Variants in PPARGC1B observed in about 807,000 individuals in gnomAD.
PPARGC1B encodes the protein peroxisome proliferator-activated receptor gamma coactivator 1-beta.
PPARGC1B carries 34 observed loss-of-function variants against 101.6 expected under a neutral mutation model. The observed-to-expected ratio is 0.33, with a 90% CI of 0.25 to 0.45. The LOEUF (loss-of-function observed/expected upper bound fraction) is 0.45. Ranked by LOEUF, PPARGC1B falls within the 20% of genes least tolerant of loss-of-function variation. The probability of loss-of-function intolerance (pLI) is 1.00; values close to 1 mark genes in which losing one functional copy is unlikely to be tolerated. For synonymous variants in PPARGC1B, 548 were observed against 539.3 expected (o/e 1.02, Z -0.22); for missense variants, 1,234 against 1,317.6 (o/e 0.94, Z 0.98).
At chr5:149,812,432 G>T (rs1015367825) in intron 1 of PPARGC1B, among the ~76,000 whole-genome samples, 6 of 148,148 alleles carry the variant, frequency 4.1e-5, no homozygotes, top group African/African-American at 1.0e-4. Context: ...GAAAGATTGG[G>T]TTTTTTTCAT....
Position 149,832,841 on chromosome 5 carries a change from CCCCCAGCCAGCT to C in PPARGC1B, c.771_782del (p.Gln258_Pro261del). The C allele has an allele frequency of 6.2e-7, 1 of 1,609,702 alleles. No homozygotes were observed. The highest frequency in any genetic ancestry group is 8.5e-7 in the Non-Finnish European group (1 of 1,177,438). On this transcript the variant is annotated inframe_deletion, in exon 5 of 12. Coordinates refer to ENST00000309241, the MANE Select transcript of PPARGC1B (RefSeq NM_133263.4). This position sits in a 1 kb window ranked among gnomAD's most constrained non-coding sequence, Gnocchi z 4.9. ...AGGAGCCGGGTGAGGACTGCCCGAG[CCCCCAGCCAGCT>C]CCAGCCTCTCCCCGGGACTCCCTAG...
intron 1 of PPARGC1B, among the ~76,000 whole-genome samples, chr5:149,809,871 C>G (rs1222627458): frequency 6.6e-6 from 1 of 151,828 alleles, no homozygotes; most frequent in Admixed American, 6.6e-5. Flanking sequence ...GTGCAGTGGT[C>G]AGGGAGGCCC....
At chr5:149,819,871 T>C (rs2113353140) in intron 1 of PPARGC1B, among the ~76,000 whole-genome samples, 1 of 152,360 alleles carries the variant, frequency 6.6e-6, no homozygotes, top group South Asian at 2.1e-4. Context: ...ATATATCATA[T>C]ATGTAATTTT....
intron 1 of PPARGC1B, among the ~76,000 whole-genome samples, chr5:149,769,717 G>T (rs1178239888): frequency 2.0e-5 from 3 of 152,172 alleles, no homozygotes; most frequent in Non-Finnish European, 4.4e-5. Context: ...TGAGGGTGTG[G>T]CAGGGCTGCA....
intron 1 of PPARGC1B, among the ~76,000 whole-genome samples, chr5:149,773,565 G>A (rs1380573527): frequency 6.6e-6 from 1 of 151,302 alleles, no homozygotes; most frequent in African/African-American, 2.4e-5. Context: ...CCTCACAAAA[G>A]GCAGCTCCAC....
intron 1 of PPARGC1B, among the ~76,000 whole-genome samples, chr5:149,790,062 C>T (rs1000709968): frequency 6.6e-6 from 1 of 152,186 alleles, no homozygotes; most frequent in African/African-American, 2.4e-5. Flanking sequence ...TGCCTAACCT[C>T]TCTGAACCTT....
At chr5:149,809,655 TC>T (rs1196907760) in intron 1 of PPARGC1B, among the ~76,000 whole-genome samples, 3 of 127,268 alleles carry the variant, frequency 2.4e-5, no homozygotes, top group African/African-American at 9.2e-5. Flanking sequence ...GTTACTGCAC[TC>T]CAGCTCGGGC....
chr5:149,732,930 C>G, intron 1 of PPARGC1B: 2 of 374,932 alleles, frequency 5.3e-6, no homozygotes, highest in Non-Finnish European at 1.1e-5. Flanking sequence ...TGGGTGACCC[C>G]GGAGCAAGCC....
At position 149,847,862 on chromosome 5, in the gene PPARGC1B, T is replaced by G; in HGVS notation, c.*304T>G. ...GGGTCCGTCACCCATCGCCCCTTCC[T>G]TCCCGACTGACTTCCTCTCGTAGAC... is the stretch of plus-strand genomic sequence containing the variant. On this transcript the variant is annotated 3_prime_UTR_variant, in exon 12 of 12. Transcript: ENST00000309241. 5.1e-6 allele frequency: 2 copies of G among 390,462 alleles called. No homozygotes were observed. Among genetic ancestry groups the G allele is most frequent in the East Asian group, 4.4e-5 (1 of 22,580 alleles). The allele number at this position is 390,462 out of a possible 1,614,324, so 24.2% of individuals were successfully genotyped here.
chr5:149,736,389 AAG>A (rs1754711640), intron 1 of PPARGC1B, among the ~76,000 whole-genome samples: 1 of 152,014 alleles, frequency 6.6e-6, no homozygotes, highest in Admixed American at 6.5e-5. Flanking sequence ...TTGCGTAAAA[AAG>A]AGAAGCATAA....
Position 149,833,650 on chromosome 5 carries a change from C to T in PPARGC1B, c.1577C>T (p.Thr526Met), listed in dbSNP as rs755372207. The T allele has an allele frequency of 4.3e-6, 7 of 1,609,698 alleles. No individual in the cohort carries two copies. Among genetic ancestry groups the T allele is most frequent in the African/African-American group, 4.0e-5 (3 of 74,878 alleles). ...YDVERELGSP[T>M]DEDSGQDQQL... ...GTAGAGCGGGAGCTGGGCAGCCCCACGGACGAGGACAGTGGCCAAGACCAG... is the reference window on the plus strand; with the variant it reads ...GTAGAGCGGGAGCTGGGCAGCCCCATGGACGAGGACAGTGGCCAAGACCAG... Residue 526 changes from threonine to methionine, a missense_variant, in exon 5 of 12, where the codon ACG becomes ATG. This residue lies in a region of PPARGC1B where 734 missense variants were observed against 768.4 expected (regional missense o/e 0.96). Coordinates refer to ENST00000309241, the MANE Select transcript of PPARGC1B (RefSeq NM_133263.4). The surrounding 1 kb of genome is among the most constrained non-coding windows in gnomAD (Gnocchi z 4.1).
intron 1 of PPARGC1B, chr5:149,771,862 A>G: frequency 1.9e-6 from 1 of 515,994 alleles, no homozygotes; most frequent in Non-Finnish European, 3.1e-6. Flanking sequence ...CAGGAAGTAA[A>G]TATCCCCACC....
intron 7 of PPARGC1B, among the ~76,000 whole-genome samples, chr5:149,835,711 T>C (rs764267033): frequency 9.2e-5 from 14 of 152,142 alleles, no homozygotes; most frequent in Non-Finnish European, 2.1e-4. Flanking sequence ...TGTTGAACGA[T>C]TGGACGTAGA....
Position 149,805,829 on chromosome 5 carries a change from A to G in PPARGC1B, c.79-14604A>G, listed in dbSNP as rs550295044. Among the ~76,000 whole-genome samples the G allele has an allele frequency of 2.6e-5, 4 of 152,388 alleles. No individual in the cohort carries two copies. The South Asian group carries it at 8.3e-4, about 32-fold the overall frequency. ...ACTATATGACTTTTGGTTAATAAAC[A>G]TGGGAAACCTAATTAACTCTTTCAT... is the stretch of plus-strand genomic sequence containing the variant. On this transcript the variant is annotated intron_variant, in intron 1 of 11. Coordinates refer to ENST00000309241, the MANE Select transcript of PPARGC1B (RefSeq NM_133263.4).
rs1758963003 is a variant in PPARGC1B at position 149,834,555 on chromosome 5, A to G, written c.1706-119A>G. On this transcript the variant is annotated intron_variant, in intron 5 of 11. Coordinates refer to ENST00000309241, the MANE Select transcript of PPARGC1B (RefSeq NM_133263.4). ...CTAAAAGTGGCAGAGGTGTTTGGTC[A>G]CCTGCCCAAAGGGCAGCTGTGCTTG... The G allele has an allele frequency of 9.8e-6, 8 of 819,738 alleles. No homozygotes were observed. In the South Asian group the frequency reaches 1.2e-4, roughly 13 times the overall value. 50.8% of individuals were successfully genotyped at this position (819,738 alleles called of 1,614,324 possible).
In PPARGC1B at chr5:149,836,637, C is replaced by G. The variant is rs1339732931; in HGVS notation, c.2182C>G (p.Pro728Ala). Residue 728 changes from proline (P) to alanine (A), a missense_variant, in exon 8 of 12, where the codon CCT (proline) becomes GCT (alanine). By Grantham distance (27) the Pro-to-Ala change is conservative. This residue lies in a region of PPARGC1B where 497 missense variants were observed against 529.5 expected (regional missense o/e 0.94). Coordinates refer to ENST00000309241, the MANE Select transcript of PPARGC1B (RefSeq NM_133263.4). ...TGAGGACTGGCCCCAGCAGGGTGCCCCTTGGGCTGAGGCACAGGCCCCTGG... is the reference window on the plus strand; with the variant it reads ...TGAGGACTGGCCCCAGCAGGGTGCCGCTTGGGCTGAGGCACAGGCCCCTGG... ...HLEDWPQQGA[P>A]WAEAQAPGRE... 12 of 1,613,736 alleles carry G rather than the reference C, an allele frequency of 7.4e-6. No individual in the cohort carries two copies. Among genetic ancestry groups the G allele is most frequent in the Non-Finnish European group, 9.3e-6 (11 of 1,180,034 alleles).
intron 10 of PPARGC1B, 186 bp from the exon 11 acceptor site, chr5:149,845,574 T>C: frequency 3.3e-6 from 2 of 601,128 alleles, no homozygotes; most frequent in South Asian, 2.4e-5. Context: ...ATTCAACATA[T>C]TAGCTGCTTT....
chr5:149,763,072 A>T (rs1368718995), intron 1 of PPARGC1B, among the ~76,000 whole-genome samples: 1 of 152,160 alleles, frequency 6.6e-6, no homozygotes, highest in Non-Finnish European at 1.5e-5. Flanking sequence ...GGCATGAGCC[A>T]CTGTGCCTGG....
At chr5:149,839,949 G>A (rs934623327) in intron 8 of PPARGC1B, 92 bp from the exon 9 acceptor site, 28 of 1,290,040 alleles carry the variant, frequency 2.2e-5, no homozygotes, top group Non-Finnish European at 2.8e-5. Flanking sequence ...CAAATCCTAA[G>A]GAAGCATCCC....
Sources: gnomAD v4.1 joint callset for allele counts (sites outside exome capture counted in the v4.1 genomes callset) on GRCh38, gnomAD v4.1.1 for gene constraint, gnomAD v4.1.1 regional missense constraint, Gnocchi (gnomAD v3.1) non-coding constraint, MANE v1.5 for transcripts, NCBI Gene and HGNC (gene_info 2026-07-23, HGNC 2026-07-21) for gene names.